Variants in RSF1 observed in about 807,000 individuals in gnomAD.
RSF1 encodes the protein remodeling and spacing factor 1.
A neutral mutation model predicts 145.2 loss-of-function variants in RSF1; 13 were observed. That is an observed-to-expected ratio of 0.09 (90% CI 0.06 to 0.14). The LOEUF is 0.14. RSF1 is among the 10% of genes least tolerant of loss of function. The pLI is 1.00. For missense variants in RSF1, 1,517 were observed against 1,718.2 expected, an observed-to-expected ratio of 0.88 and a Z score of 2.07; for synonymous variants, 577 against 592.6, an observed-to-expected ratio of 0.97 and a Z score of 0.38.
the RSF1 span, among the ~76,000 whole-genome samples, chr11:77,836,757 G>A: frequency 6.6e-6 from 1 of 152,198 alleles, no homozygotes; most frequent in Non-Finnish European, 1.5e-5. Context: ...CCTGAGGCTG[G>A]GAGTTCGAGA....
the RSF1 span, among the ~76,000 whole-genome samples, chr11:77,849,450 C>A: frequency 6.6e-6 from 1 of 152,144 alleles, no homozygotes; most frequent in Non-Finnish European, 1.5e-5. Flanking sequence ...TCTCAAACTC[C>A]TGACCTCAGG....
intron 1 of RSF1, among the ~76,000 whole-genome samples, chr11:77,787,852 G>A (rs7118594): frequency 1.9e-4 from 22 of 117,414 alleles, no homozygotes; most frequent in African/African-American, 8.0e-4. Flanking sequence ...AAAAAAGTTC[G>A]AGTGCTGTGA....
rs1353085492 is a variant in RSF1 at position 77,707,517 on chromosome 11, C to T, written c.734-5022G>A. Among the ~76,000 whole-genome samples, 3 of 152,080 alleles carry T rather than the reference C, an allele frequency of 2.0e-5. No homozygotes were observed. The East Asian group carries it at 5.8e-4, about 29-fold the overall frequency. On this transcript the variant is annotated intron_variant, in intron 5 of 15. Coordinates refer to ENST00000308488, the MANE Select transcript of RSF1 (RefSeq NM_016578.4). Reference sequence around the variant, plus strand: ...AAAATATAAGCTAAAACTAAAGATCCGAAAACAAAATTAGCCATGGATGTC... The same window carrying T: ...AAAATATAAGCTAAAACTAAAGATCTGAAAACAAAATTAGCCATGGATGTC...
chr11:77,691,001 CTTAG>C (rs1960138075), intron 9 of RSF1, 154 bp downstream of exon 9: 6 of 563,498 alleles, frequency 1.1e-5, no homozygotes, highest in South Asian at 5.8e-5. Context: ...AAAAAACATT[CTTAG>C]TTAGCAGGCA....
chr11:77,798,296 G>A (rs1433259227), intron 1 of RSF1, among the ~76,000 whole-genome samples: 1 of 152,012 alleles, frequency 6.6e-6, no homozygotes, highest in Non-Finnish European at 1.5e-5. Flanking sequence ...AGAAAATGTG[G>A]CACACAGGCC....
At chr11:77,812,884 CAAAAA>C (rs71046910) in intron 1 of RSF1, among the ~76,000 whole-genome samples, 2 of 110,568 alleles carry the variant, frequency 1.8e-5, no homozygotes, top group Non-Finnish European at 1.8e-5. Flanking sequence ...AGCTCCATCT[CAAAAA>C]AAAAAAAAAA....
At chr11:77,675,720 T>A (rs1438997107) in intron 13 of RSF1, among the ~76,000 whole-genome samples, 1 of 152,192 alleles carries the variant, frequency 6.6e-6, no homozygotes, top group Non-Finnish European at 1.5e-5. Context: ...AAACCTGATC[T>A]CTTCTGTTTT....
At chr11:77,858,418 C>T in the RSF1 span, among the ~76,000 whole-genome samples, 1 of 149,136 alleles carries the variant, frequency 6.7e-6, no homozygotes, top group African/African-American at 2.5e-5. Context: ...CGAATGCCTG[C>T]TGTGCTCTCA....
intron 1 of RSF1, among the ~76,000 whole-genome samples, chr11:77,772,158 T>C (rs939326091): frequency 6.6e-6 from 1 of 152,164 alleles, no homozygotes; most frequent in Non-Finnish European, 1.5e-5. Flanking sequence ...ATAAATGTAT[T>C]TGTACATTTT....
At chr11:77,800,888 C>G (rs1258462733) in intron 1 of RSF1, among the ~76,000 whole-genome samples, 2 of 151,978 alleles carry the variant, frequency 1.3e-5, no homozygotes, top group Non-Finnish European at 2.9e-5. Context: ...ATGGTGCACC[C>G]TAAGTTCTCA....
At position 77,795,897 on chromosome 11, in the gene RSF1, T is replaced by C. The variant is rs1948567414; in HGVS notation, c.187+24631A>G. Among the ~76,000 whole-genome samples the C allele has an allele frequency of 2.0e-5, 3 of 152,292 alleles. No individual in the cohort carries two copies. In the South Asian group the frequency reaches 6.2e-4, roughly 32 times the overall value. On this transcript the variant is annotated intron_variant, in intron 1 of 15. Coordinates refer to ENST00000308488, the MANE Select transcript of RSF1 (RefSeq NM_016578.4). The stretch of plus-strand genomic sequence containing the variant: ...TTAATCACTGCCTCAATTTCAGAAC[T>C]TGTTATTGGTTTCCTCAGGGATTCG...
At chr11:77,669,254 G>T (rs1959456471) in intron 15 of RSF1, among the ~76,000 whole-genome samples, 1 of 152,098 alleles carries the variant, frequency 6.6e-6, no homozygotes, top group Admixed American at 6.6e-5. Flanking sequence ...TCTCTCACCT[G>T]GACTATTACA....
chr11:77,855,903 A>T, the RSF1 span, among the ~76,000 whole-genome samples: 10 of 152,052 alleles, frequency 6.6e-5, no homozygotes, highest in Admixed American at 2.6e-4. Context: ...AGATTGCTTA[A>T]GTTCAGGAGT....
chr11:77,830,676 G>T, the RSF1 span, among the ~76,000 whole-genome samples: 4 of 151,712 alleles, frequency 2.6e-5, no homozygotes, highest in Non-Finnish European at 4.4e-5. Context: ...GTTACACAGT[G>T]GCACCCCAAA....
intron 2 of RSF1, among the ~76,000 whole-genome samples, chr11:77,761,013 C>T (rs1026556402): frequency 3.7e-4 from 57 of 152,158 alleles, no homozygotes; most frequent in African/African-American, 1.1e-3. Flanking sequence ...CTGCAACCTC[C>T]GCCTCCCTGC....
chr11:77,701,004 C>A lies in RSF1; in HGVS notation c.2225G>T (p.Arg742Leu), dbSNP rs756227917. The A allele has an allele frequency of 1.9e-6, 3 of 1,613,532 alleles. No homozygotes were observed. Among genetic ancestry groups the A allele is most frequent in the Non-Finnish European group, 2.5e-6 (3 of 1,180,000 alleles). ...GIKLTIRISS[R>L]KKKPDSPPKV... ...GGGGGGAGAATCGGGCTTCTTTTTCCGACTTGATATCCTGATTGTTAATTT... is the reference window on the plus strand; with the variant it reads ...GGGGGGAGAATCGGGCTTCTTTTTCAGACTTGATATCCTGATTGTTAATTT... The change falls in exon 6 of 16, where the codon CGG becomes CTG. Residue 742 changes from arginine (R) to leucine (L), a missense_variant. By Grantham distance (102) the Arg-to-Leu change is moderately radical. Transcript: ENST00000308488.
chr11:77,771,549 T>C (rs938513709), intron 1 of RSF1, among the ~76,000 whole-genome samples: 5 of 152,150 alleles, frequency 3.3e-5, no homozygotes, highest in African/African-American at 1.2e-4. Context: ...CTAAGGGTAA[T>C]GAGACCCCAC....
At chr11:77,710,100 T>C (rs1284120449) in intron 5 of RSF1, among the ~76,000 whole-genome samples, 2 of 152,166 alleles carry the variant, frequency 1.3e-5, no homozygotes, top group African/African-American at 4.8e-5. Context: ...TATACATGCC[T>C]TTTCTAATAA....
intron 2 of RSF1, among the ~76,000 whole-genome samples, chr11:77,750,263 GT>G (rs771593690): frequency 2.0e-4 from 31 of 152,158 alleles, no homozygotes; most frequent in Non-Finnish European, 3.8e-4. Flanking sequence ...GGGTAAGCAA[GT>G]TTTTCCTCAA....
Sources: gnomAD v4.1 joint callset for allele counts (sites outside exome capture counted in the v4.1 genomes callset) on GRCh38, gnomAD v4.1.1 for gene constraint, MANE v1.5 for transcripts, NCBI Gene and HGNC (gene_info 2026-07-23, HGNC 2026-07-21) for gene names.